Variants in COA6 observed in about 807,000 individuals in gnomAD.
The protein encoded by COA6 is cytochrome c oxidase assembly factor 6, also known as cytochrome c oxidase assembly factor 6 homolog.
A neutral mutation model predicts 17.1 loss-of-function variants in COA6; 12 were observed. The observed-to-expected ratio is 0.70, with a 90% CI of 0.45 to 1.14. The LOEUF is 1.14. Among genes scored for constraint, COA6 ranks in the 50% most tolerant of loss-of-function variants. COA6 has a pLI of 0.00. For missense variants in COA6, 246 were observed against 196.5 expected (o/e 1.25, Z -1.51); for synonymous variants, 90 against 73.4 (o/e 1.23, Z -1.16).
At chr1:234,374,106 G>GTTT in intron 1 of COA6, 124 bp from the exon 2 acceptor site, 1 of 997,662 alleles carries the variant, frequency 1.0e-6, no homozygotes, top group Non-Finnish European at 1.4e-6. Context: ...GTTTTGTTTT[G>GTTT]TTTTTGTTTT....
Position 234,384,257 on chromosome 1 carries a change from T to C in COA6, c.*439T>C, listed in dbSNP as rs1007110042. Among the ~76,000 whole-genome samples, 2 of 151,976 alleles carry C rather than the reference T, an allele frequency of 1.3e-5. No individual in the cohort carries two copies. Among genetic ancestry groups the C allele is most frequent in the South Asian group, 2.1e-4 (1 of 4,822 alleles). ...AACTTAAAATATACAAGTAAAATAA[T>C]AAAAGCCATCTATAAAAAAGCCCAT... On this transcript the variant is annotated 3_prime_UTR_variant, in exon 3 of 3. Coordinates refer to ENST00000366615, the MANE Select transcript of COA6 (RefSeq NM_001206641.3).
intron 2 of COA6, among the ~76,000 whole-genome samples, chr1:234,383,297 T>C (rs1239655637): frequency 6.7e-6 from 1 of 149,918 alleles, no homozygotes; most frequent in East Asian, 2.0e-4. Context: ...CCTCAGAGAC[T>C]TTTTCATCAA....
chr1:234,380,575 C>G (rs1481540434), intron 2 of COA6, among the ~76,000 whole-genome samples: 46 of 152,242 alleles, frequency 3.0e-4, no homozygotes, highest in Non-Finnish European at 1.6e-4. Context: ...TTGAGTAATT[C>G]TATCCCAAAA....
chr1:234,374,016 T>A lies in COA6; in HGVS notation c.213-214T>A, dbSNP rs563487293. The A allele has an allele frequency of 4.5e-4, 432 of 964,818 alleles. 1 individual carries two copies. Among genetic ancestry groups the A allele is most frequent in the South Asian group, 2.7e-3 (153 of 57,008 alleles). 59.8% of individuals were successfully genotyped at this position (964,818 alleles called of 1,614,324 possible). A position where few individuals can be genotyped will look rare whatever the true frequency, so the allele number is the denominator to read the frequency against. ...AGGGATCAAATCACACAGTGTGAGATAAGCCTCAAGAGCGGGTGGCCTTAT... is the reference window on the plus strand; with the variant it reads ...AGGGATCAAATCACACAGTGTGAGAAAAGCCTCAAGAGCGGGTGGCCTTAT... On this transcript the variant is annotated intron_variant, in intron 1 of 2. Transcript: ENST00000366615.
At chr1:234,379,995 A>C (rs1658922898) in intron 2 of COA6, among the ~76,000 whole-genome samples, 1 of 152,236 alleles carries the variant, frequency 6.6e-6, no homozygotes, top group African/African-American at 2.4e-5. Context: ...ACTGTAACAA[A>C]GAAGGGAAGC....
intron 2 of COA6, among the ~76,000 whole-genome samples, chr1:234,376,718 T>C (rs1359313403): frequency 1.3e-5 from 2 of 152,210 alleles, no homozygotes; most frequent in Non-Finnish European, 2.9e-5. Flanking sequence ...CCCTGTCTCC[T>C]TGGGTCTCTT....
In COA6 at chr1:234,384,080, T is replaced by TAGAGG. The variant is rs1233597379; in HGVS notation, c.*264_*268dup. 3.4e-6 allele frequency: 1 copy of TAGAGG among 292,104 alleles called. No homozygotes were observed. Among genetic ancestry groups the TAGAGG allele is most frequent in the African/African-American group, 2.2e-5 (1 of 45,558 alleles). 18.1% of individuals were successfully genotyped at this position (292,104 alleles called of 1,614,324 possible). A position where few individuals can be genotyped will look rare whatever the true frequency, so the allele number is the denominator to read the frequency against. On this transcript the variant is annotated 3_prime_UTR_variant, in exon 3 of 3. Transcript: ENST00000366615. Reference sequence around the variant, plus strand: ...GTTTTGTTTTTGTTTTGTTTTTAATTAGAGGATGGGTAGTAGGCAGATGAT... The same window carrying TAGAGG: ...GTTTTGTTTTTGTTTTGTTTTTAATTAGAGGAGAGGATGGGTAGTAGGCAGATGAT...
chr1:234,383,751 A>G lies in COA6; in HGVS notation c.401A>G (p.Tyr134Cys). 1 of 1,522,308 alleles carries G rather than the reference A, an allele frequency of 6.6e-7. No homozygotes were observed. Among genetic ancestry groups the G allele is most frequent in the Non-Finnish European group, 9.1e-7 (1 of 1,101,050 alleles). 94.3% of individuals were successfully genotyped at this position (1,522,308 alleles called of 1,614,324 possible). ...AAATATTTTGATAAAAGAAGAGACT[A>G]CTTAAAATTCAAAGAAAAATTTGAA... is the stretch of plus-strand genomic sequence containing the variant. ...WIKYFDKRRD[Y>C]LKFKEKFEAG... Residue 134 changes from tyrosine to cysteine, a missense_variant, in exon 3 of 3, where the codon TAC becomes TGC. Transcript: ENST00000366615.
At chr1:234,382,530 T>G (rs1021162452) in intron 2 of COA6, among the ~76,000 whole-genome samples, 19 of 152,204 alleles carry the variant, frequency 1.2e-4, no homozygotes, top group African/African-American at 4.3e-4. Flanking sequence ...TCAGCTGACT[T>G]TGTGTGTGTC....
At chr1:234,377,891 A>G (rs916480439) in intron 2 of COA6, among the ~76,000 whole-genome samples, 1 of 152,120 alleles carries the variant, frequency 6.6e-6, no homozygotes, top group Admixed American at 6.5e-5. Context: ...CTACCACAGC[A>G]CCCCCACATG....
chr1:234,383,076 T>G (rs77765441), intron 2 of COA6, among the ~76,000 whole-genome samples: 8,401 of 115,328 alleles, frequency 0.073, 392 homozygotes, highest in African/African-American at 0.091. Context: ...GGGAAGGGAA[T>G]GGAAGGAAGG....
At chr1:234,382,672 G>T (rs971480875) in intron 2 of COA6, among the ~76,000 whole-genome samples, 1 of 152,160 alleles carries the variant, frequency 6.6e-6, no homozygotes, top group African/African-American at 2.4e-5. Context: ...AAAAGAACTA[G>T]TGTTTTCTGG....
Position 234,377,059 on chromosome 1 carries a change from C to CACCCAA in COA6, c.372+2670_372+2671insACCCAA, listed in dbSNP as rs141978217. 3.1e-3 allele frequency among the ~76,000 whole-genome samples: 253 copies of CACCCAA among 82,636 alleles called. 13 individuals carry two copies. The highest frequency in any genetic ancestry group is 7.9e-3 in the African/African-American group (132 of 16,680). The allele number at this position is 82,636 out of a possible 152,430, so 54.2% of individuals were successfully genotyped here. On this transcript the variant is annotated intron_variant, in intron 2 of 2. Coordinates refer to ENST00000366615, the MANE Select transcript of COA6 (RefSeq NM_001206641.3). ...GACAGCTACCTTCTTGCTGTGTTGCCGAGAGAGAGAGAGAGAGAGAGAGAG... is the reference window on the plus strand; with the variant it reads ...GACAGCTACCTTCTTGCTGTGTTGCCACCCAAGAGAGAGAGAGAGAGAGAGAGAGAG...
At position 234,384,275 on chromosome 1, in the gene COA6, A is replaced by C. The variant is rs1442948964; in HGVS notation, c.*457A>C. ...AAAATAATAAAAGCCATCTATAAAA[A>C]AGCCCATAGCTAATATCAACACTTA... On this transcript the variant is annotated 3_prime_UTR_variant, in exon 3 of 3. Coordinates refer to ENST00000366615, the MANE Select transcript of COA6 (RefSeq NM_001206641.3). Among the ~76,000 whole-genome samples the C allele has an allele frequency of 6.6e-6, 1 of 152,178 alleles. No homozygotes were observed. The highest frequency in any genetic ancestry group is 1.5e-5 in the Non-Finnish European group (1 of 68,034).
rs1012946768 is a variant in COA6 at position 234,385,076 on chromosome 1, C to T, written c.*1258C>T. Among the ~76,000 whole-genome samples the T allele has an allele frequency of 1.3e-5, 2 of 152,142 alleles. No individual in the cohort carries two copies. The highest frequency in any genetic ancestry group is 1.5e-5 in the Non-Finnish European group (1 of 68,042). On this transcript the variant is annotated 3_prime_UTR_variant, in exon 3 of 3. Coordinates refer to ENST00000366615, the MANE Select transcript of COA6 (RefSeq NM_001206641.3). ...AAAAAATGCTAAAGATTCTCTGAGT[C>T]TTCAGCGAGTTGTCATCCTTTTGCT...
At chr1:234,374,106 G>GTT in intron 1 of COA6, 124 bp from the exon 2 acceptor site, 4 of 997,656 alleles carry the variant, frequency 4.0e-6, no homozygotes, top group African/African-American at 2.8e-5. Flanking sequence ...GTTTTGTTTT[G>GTT]TTTTTGTTTT....
chr1:234,375,452 C>T (rs559277579), intron 2 of COA6, among the ~76,000 whole-genome samples: 2 of 152,334 alleles, frequency 1.3e-5, no homozygotes, highest in African/African-American at 4.8e-5. Context: ...TGCTTTTTCA[C>T]TGTCTTATGC....
At chr1:234,379,722 A>T (rs1274021110) in intron 2 of COA6, among the ~76,000 whole-genome samples, 1 of 152,198 alleles carries the variant, frequency 6.6e-6, no homozygotes, top group East Asian at 1.9e-4. Flanking sequence ...GCAAGGGGGA[A>T]GCAAGGCACC....
In COA6 at chr1:234,384,804, C is replaced by T. The variant is rs185287497; in HGVS notation, c.*986C>T. On this transcript the variant is annotated 3_prime_UTR_variant, in exon 3 of 3. Coordinates refer to ENST00000366615, the MANE Select transcript of COA6 (RefSeq NM_001206641.3). Reference sequence around the variant, plus strand: ...AAAATTTAAAAATCCAGTATAACACCTATTTACATTGTATTAGGTATTGTA... The same window carrying T: ...AAAATTTAAAAATCCAGTATAACACTTATTTACATTGTATTAGGTATTGTA... Among the ~76,000 whole-genome samples the T allele has an allele frequency of 6.6e-6, 1 of 152,044 alleles. No homozygotes were observed. The highest frequency in any genetic ancestry group is 1.5e-5 in the Non-Finnish European group (1 of 68,016).
Sources: allele counts gnomAD v4.1 joint callset (sites outside exome capture counted in the v4.1 genomes callset), GRCh38; gene constraint gnomAD v4.1.1; transcripts MANE v1.5; gene names NCBI Gene and HGNC (gene_info 2026-07-23, HGNC 2026-07-21).